The following PTPRD variants were observed in gnomAD, a reference collection of about 807,000 sequenced individuals.
The protein encoded by PTPRD is protein tyrosine phosphatase receptor type D.
In PTPRD, 34 loss-of-function variants were observed where a neutral mutation model predicts 214.5. The ratio of observed to expected loss-of-function variants is 0.16; its 90% CI spans 0.12 to 0.21. PTPRD has a LOEUF of 0.21. PTPRD is among the 10% of genes least tolerant of loss of function. The pLI is 1.00. For synonymous variants in PTPRD, 1,128 were observed against 845.7 expected, an observed-to-expected ratio of 1.33 and a Z score of -5.79; for missense variants, 2,545 against 2,398.7, an observed-to-expected ratio of 1.06 and a Z score of -1.27.
chr9:9,575,759 AAG>A (rs2088435138), intron 7 of PTPRD, among the ~76,000 whole-genome samples: 1 of 131,666 alleles, frequency 7.6e-6, no homozygotes, highest in Non-Finnish European at 1.6e-5. Flanking sequence ...AAGAAAGAAA[AAG>A]AAAAAAAGAA....
chr9:8,468,021 C>G (rs571179012), intron 31 of PTPRD, among the ~76,000 whole-genome samples: 3 of 152,012 alleles, frequency 2.0e-5, no homozygotes, highest in African/African-American at 7.2e-5. Context: ...TTTATTCATA[C>G]TGCAGATGTA....
intron 11 of PTPRD, among the ~76,000 whole-genome samples, chr9:8,848,115 G>T (rs1321043484): frequency 6.6e-6 from 1 of 151,854 alleles, no homozygotes; most frequent in Non-Finnish European, 1.5e-5. Context: ...CAGAGCTCTG[G>T]CAGTTGTATC....
intron 2 of PTPRD, among the ~76,000 whole-genome samples, chr9:10,602,039 C>T (rs983963016): frequency 6.6e-6 from 1 of 151,752 alleles, no homozygotes; most frequent in Non-Finnish European, 1.5e-5. Context: ...ATAAATGTCA[C>T]AAAACAACTC....
intron 5 of PTPRD, among the ~76,000 whole-genome samples, chr9:9,922,883 T>A (rs1355026362): frequency 6.6e-6 from 1 of 151,914 alleles, no homozygotes; most frequent in Non-Finnish European, 1.5e-5. Context: ...TGATTCTAGG[T>A]TGGACTCCAT....
intron 8 of PTPRD, among the ~76,000 whole-genome samples, chr9:9,437,798 T>C (rs190513274): frequency 6.6e-6 from 1 of 152,182 alleles, no homozygotes; most frequent in African/African-American, 2.4e-5. Context: ...CGAGGGGATA[T>C]GCTGATCCCT....
intron 36 of PTPRD, among the ~76,000 whole-genome samples, chr9:8,393,880 A>C (rs1351473795): frequency 6.6e-6 from 1 of 152,134 alleles, no homozygotes; most frequent in Non-Finnish European, 1.5e-5. Flanking sequence ...GGCATTTAAA[A>C]ATATTACTTA....
At chr9:9,894,691 G>A (rs188144875) in intron 5 of PTPRD, among the ~76,000 whole-genome samples, 2 of 152,004 alleles carry the variant, frequency 1.3e-5, no homozygotes, top group Admixed American at 6.6e-5. Context: ...TATATTTGGG[G>A]GATGAGCTAA....
intron 4 of PTPRD, among the ~76,000 whole-genome samples, chr9:9,956,551 G>T (rs566948366): frequency 6.6e-6 from 1 of 151,964 alleles, no homozygotes; most frequent in Non-Finnish European, 1.5e-5. Flanking sequence ...TAATACAGAA[G>T]ATACATATGT....
Position 9,012,042 on chromosome 9 carries a change from T to C in PTPRD, c.-104+6655A>G, listed in dbSNP as rs114130447. On this transcript the variant is annotated intron_variant, in intron 11 of 45. Transcript: ENST00000381196. ...GGTAATAGGAAGTGTCCCTTTCCCT[T>C]TCTGACTTTAAAGAAGCAAGGTACC... Among the ~76,000 whole-genome samples the C allele has an allele frequency of 4.4e-3, 664 of 152,308 alleles. 4 individuals carry two copies. The highest frequency in any genetic ancestry group is 0.013 in the African/African-American group (552 of 41,568).
intron 4 of PTPRD, among the ~76,000 whole-genome samples, chr9:10,025,518 AT>A (rs1389629428): frequency 2.6e-5 from 4 of 152,054 alleles, no homozygotes; most frequent in African/African-American, 9.7e-5. Flanking sequence ...GTTTTACCAG[AT>A]TTTGCCAACT....
In PTPRD at chr9:10,384,435, T is replaced by TA. The variant is rs201324564; in HGVS notation, c.-599-43419dup. Among the ~76,000 whole-genome samples the TA allele has an allele frequency of 3.5e-3, 531 of 151,828 alleles. 2 individuals carry two copies. The highest frequency in any genetic ancestry group is 0.012 in the African/African-American group (480 of 41,476). ...TCTGATTCTATATGATCAAAAATAA[T>TA]AAAAAATGTTAATTGAATCAATAAT... On this transcript the variant is annotated intron_variant, in intron 2 of 45. Transcript: ENST00000381196.
At chr9:8,897,646 C>G (rs1206431814) in intron 11 of PTPRD, among the ~76,000 whole-genome samples, 1 of 152,172 alleles carries the variant, frequency 6.6e-6, no homozygotes, top group African/African-American at 2.4e-5. Flanking sequence ...CAGTACCAAC[C>G]TGAACAATGC....
chr9:9,668,241 C>A (rs1261759309), intron 7 of PTPRD, among the ~76,000 whole-genome samples: 2 of 152,088 alleles, frequency 1.3e-5, no homozygotes, highest in Non-Finnish European at 1.5e-5. Context: ...AATTTTCCCC[C>A]TTATGCAACA....
chr9:9,003,238 T>C (rs887024794), intron 11 of PTPRD, among the ~76,000 whole-genome samples: 1 of 151,996 alleles, frequency 6.6e-6, no homozygotes, highest in African/African-American at 2.4e-5. Flanking sequence ...GACAGTGTGG[T>C]TCTGGATTCT....
intron 10 of PTPRD, among the ~76,000 whole-genome samples, chr9:9,113,164 T>TG (rs2099808556): frequency 1.3e-5 from 2 of 151,690 alleles, no homozygotes; most frequent in Non-Finnish European, 1.5e-5. Flanking sequence ...TTTTTAGAGA[T>TG]GGGGTCTCAC....
intron 12 of PTPRD, among the ~76,000 whole-genome samples, chr9:8,659,563 T>A (rs190572446): frequency 1.4e-4 from 21 of 152,356 alleles, no homozygotes; most frequent in Admixed American, 6.5e-4. Flanking sequence ...TTTTACACCA[T>A]GTTCTGAAGT....
intron 3 of PTPRD, among the ~76,000 whole-genome samples, chr9:10,253,188 G>C (rs2092942757): frequency 6.6e-6 from 1 of 152,082 alleles, no homozygotes; most frequent in African/African-American, 2.4e-5. Context: ...GAAATAAAGG[G>C]GGTGACCCAT....
intron 35 of PTPRD, among the ~76,000 whole-genome samples, chr9:8,419,030 G>C (rs1414623618): frequency 2.0e-5 from 3 of 151,874 alleles, no homozygotes; most frequent in Non-Finnish European, 4.4e-5. Context: ...ACTGGCCTCA[G>C]CAACATAGTG....
rs528366432 is a variant in PTPRD at position 10,061,924 on chromosome 9, C to T, written c.-544-28134G>A. 5.3e-5 allele frequency among the ~76,000 whole-genome samples: 8 copies of T among 151,966 alleles called. No homozygotes were observed. The South Asian group carries it at 1.2e-3, about 24-fold the overall frequency. On this transcript the variant is annotated intron_variant, in intron 3 of 45. Transcript: ENST00000381196. ...CTAGAAATGCAGCAAATTATTAGGCCCCACCCACAAATACTGAATCGGAAA... is the reference window on the plus strand; with the variant it reads ...CTAGAAATGCAGCAAATTATTAGGCTCCACCCACAAATACTGAATCGGAAA...
Sources: gnomAD v4.1 joint callset for allele counts (sites outside exome capture counted in the v4.1 genomes callset) on GRCh38, gnomAD v4.1.1 for gene constraint, MANE v1.5 for transcripts, NCBI Gene and HGNC (gene_info 2026-07-23, HGNC 2026-07-21) for gene names.